Variants in ZNF778 observed in about 807,000 individuals in gnomAD.
ZNF778 encodes zinc finger protein 778.
In ZNF778, 37 loss-of-function variants were observed where a neutral mutation model predicts 23.9. The observed-to-expected ratio is 1.54, with a 90% CI of 1.19 to 2.03. The LOEUF (loss-of-function observed/expected upper bound fraction) is 2.03, where lower values mean the gene tolerates loss of function less well. Ranked by LOEUF, ZNF778 falls within the 30% of genes most tolerant of loss-of-function variation. The pLI, the probability that ZNF778 is intolerant of heterozygous loss-of-function variation, is 0.00. For missense variants in ZNF778, 1,297 were observed against 934.4 expected, an observed-to-expected ratio of 1.39 and a Z score of -5.06; for synonymous variants, 483 against 343.9, an observed-to-expected ratio of 1.40 and a Z score of -4.48.
In ZNF778 at chr16:89,228,797, G is replaced by A; in HGVS notation, c.*235G>A. The A allele has an allele frequency of 1.2e-5, 15 of 1,291,690 alleles. No homozygotes were observed. Among genetic ancestry groups the A allele is most frequent in the Non-Finnish European group, 1.5e-5 (15 of 1,020,594 alleles). 80.0% of individuals were successfully genotyped at this position (1,291,690 alleles called of 1,614,324 possible). ...GGTATCCAGTAGAGAGAACTCTATT[G>A]ATGTGTGATATGCAGCAGCATTGTT... On this transcript the variant is annotated 3_prime_UTR_variant, in exon 7 of 7. Coordinates refer to ENST00000433976, the MANE Select transcript of ZNF778 (RefSeq NM_001201407.2).
rs976345913 is a variant in ZNF778 at position 89,236,622 on chromosome 16, G to T, written c.*8060G>T. On this transcript the variant is annotated 3_prime_UTR_variant, in exon 7 of 7. Coordinates refer to ENST00000433976, the MANE Select transcript of ZNF778 (RefSeq NM_001201407.2). The stretch of plus-strand genomic sequence containing the variant: ...TGTCAAAAGCAAAAATTATCACATG[G>T]GGTTTCAACTGATGTATATTTAATA... 6.6e-6 allele frequency: 1 copy of T among 152,058 alleles called. No individual in the cohort carries two copies. Among genetic ancestry groups the T allele is most frequent in the Non-Finnish European group, 1.5e-5 (1 of 68,030 alleles). 9.4% of individuals were successfully genotyped at this position (152,058 alleles called of 1,614,324 possible).
At position 89,222,606 on chromosome 16, in the gene ZNF778, C is replaced by A. The variant is rs533114265; in HGVS notation, c.117+423C>A. Among the ~76,000 whole-genome samples the A allele has an allele frequency of 2.6e-5, 4 of 152,332 alleles. No homozygotes were observed. In the South Asian group the frequency reaches 8.3e-4, roughly 32 times the overall value. ...CTTGAACTGCTGATCTCAAGTGATCCACCCGCTTTGGCCTCCCAAAGGGCT... is the reference window on the plus strand; with the variant it reads ...CTTGAACTGCTGATCTCAAGTGATCAACCCGCTTTGGCCTCCCAAAGGGCT... On this transcript the variant is annotated intron_variant, in intron 3 of 6. Coordinates refer to ENST00000433976, the MANE Select transcript of ZNF778 (RefSeq NM_001201407.2).
rs1387034499 is a variant in ZNF778 at position 89,236,493 on chromosome 16, A to G, written c.*7931A>G. On this transcript the variant is annotated 3_prime_UTR_variant, in exon 7 of 7. Coordinates refer to ENST00000433976, the MANE Select transcript of ZNF778 (RefSeq NM_001201407.2). ...CTGGTTTAAATAAATGGTTACAGAA[A>G]ACTCTTAAGGAAACCTGGAACAAAG... is the stretch of plus-strand genomic sequence containing the variant. The G allele has an allele frequency of 1.3e-5, 2 of 152,242 alleles. No individual in the cohort carries two copies. The highest frequency in any genetic ancestry group is 6.5e-5 in the Admixed American group (1 of 15,280). 9.4% of individuals were successfully genotyped at this position (152,242 alleles called of 1,614,324 possible).
Position 89,223,160 on chromosome 16 carries a change from G to T in ZNF778, c.121G>T (p.Ala41Ser), listed in dbSNP as rs116317659. The T allele has an allele frequency of 1.9e-6, 3 of 1,612,972 alleles. No homozygotes were observed. The highest frequency in any genetic ancestry group is 2.2e-5 in the South Asian group (2 of 90,996). ...AGWLINCYQD[A>S]VTFDDVAVDF... Reference sequence around the variant, plus strand: ...ACCGTCATGTGTGATGATTTAGGACGCGGTGACCTTTGACGACGTGGCTGT... The same window carrying T: ...ACCGTCATGTGTGATGATTTAGGACTCGGTGACCTTTGACGACGTGGCTGT... The change falls in exon 4 of 7, where the codon GCG (alanine) becomes TCG (serine). Residue 41 changes from alanine (A) to serine (S), a missense_variant. Transcript: ENST00000433976.
At position 89,227,763 on chromosome 16, in the gene ZNF778, T is replaced by G; in HGVS notation, c.1475T>G (p.Leu492Arg). The G allele has an allele frequency of 6.2e-7, 1 of 1,613,146 alleles. No homozygotes were observed. The highest frequency in any genetic ancestry group is 8.5e-7 in the Non-Finnish European group (1 of 1,179,222). ...AAATCCTTCACTGTTTCTTCAAGCC[T>G]GACTGAGCACGCGAGAATCCATACC... ...CGKSFTVSSS[L>R]TEHARIHTGE... Residue 492 changes from leucine to arginine, a missense_variant, in exon 7 of 7, where the codon CTG (leucine) becomes CGG (arginine). By Grantham distance (102) the Leu-to-Arg change is moderately radical. Coordinates refer to ENST00000433976, the MANE Select transcript of ZNF778 (RefSeq NM_001201407.2).
intron 1 of ZNF778, among the ~76,000 whole-genome samples, chr16:89,220,377 G>A (rs2030805089): frequency 6.6e-6 from 1 of 152,208 alleles, no homozygotes; most frequent in South Asian, 2.1e-4. Flanking sequence ...CGAGACCGGG[G>A]CGGGGCACGG....
rs992248162 is a variant in ZNF778 at position 89,235,473 on chromosome 16, C to T, written c.*6911C>T. The T allele has an allele frequency of 3.9e-5, 6 of 152,208 alleles. No individual in the cohort carries two copies. Among genetic ancestry groups the T allele is most frequent in the East Asian group, 3.8e-4 (2 of 5,198 alleles). The allele number at this position is 152,208 out of a possible 1,614,324, so 9.4% of individuals were successfully genotyped here. A position where few individuals can be genotyped will look rare whatever the true frequency, so the allele number is the denominator to read the frequency against. On this transcript the variant is annotated 3_prime_UTR_variant, in exon 7 of 7. Coordinates refer to ENST00000433976, the MANE Select transcript of ZNF778 (RefSeq NM_001201407.2). The stretch of plus-strand genomic sequence containing the variant: ...CGCCCGAGAAGAGACATGAGCAGTT[C>T]TGCGTAGGCTTTAAGACAGAATCAA...
intron 6 of ZNF778, among the ~76,000 whole-genome samples, chr16:89,226,068 T>C (rs1210689037): frequency 6.6e-6 from 1 of 152,156 alleles, no homozygotes; most frequent in African/African-American, 2.4e-5. Context: ...TGTGCCACCA[T>C]GCCCAGCTAA....
chr16:89,228,032 A>G lies in ZNF778; in HGVS notation c.1744A>G (p.Ile582Val). Residue 582 changes from isoleucine (I) to valine (V), a missense_variant, in exon 7 of 7, where the codon ATT becomes GTT. Transcript: ENST00000433976. ...NSSCLNKHIQ[I>V]HTGIKPYECK... Reference sequence around the variant, plus strand: ...CTCGTGCCTGAATAAGCACATTCAGATTCACACTGGAATAAAACCTTATGA... The same window carrying G: ...CTCGTGCCTGAATAAGCACATTCAGGTTCACACTGGAATAAAACCTTATGA... 1 of 1,589,668 alleles carries G rather than the reference A, an allele frequency of 6.3e-7. No individual in the cohort carries two copies. Among genetic ancestry groups the G allele is most frequent in the Non-Finnish European group, 8.6e-7 (1 of 1,164,890 alleles).
Position 89,227,949 on chromosome 16 carries a change from C to G in ZNF778, c.1661C>G (p.Thr554Ser), listed in dbSNP as rs1225755954. 4 of 1,589,940 alleles carry G rather than the reference C, an allele frequency of 2.5e-6. No homozygotes were observed. In the African/African-American group the frequency reaches 4.0e-5, roughly 16 times the overall value. ...TATCTACTGAATGAGCATGTGAAAACTCACACAGAGGAGAAGCCCTTTATA... is the reference window on the plus strand; with the variant it reads ...TATCTACTGAATGAGCATGTGAAAAGTCACACAGAGGAGAAGCCCTTTATA... ...RVYLLNEHVK[T>S]HTEEKPFICT... is the part of the protein sequence containing the mutation. Residue 554 changes from threonine (T) to serine (S), a missense_variant, in exon 7 of 7, where the codon ACT becomes AGT. Thr to Ser is a moderately conservative substitution (Grantham distance 58). Coordinates refer to ENST00000433976, the MANE Select transcript of ZNF778 (RefSeq NM_001201407.2).
chr16:89,230,216 G>A lies in ZNF778; in HGVS notation c.*1654G>A. ...CAGATAAAACACCAGGGTGCAAGGA[G>A]GGGCAGAGTGGAGAGGGGCGAGGTC... On this transcript the variant is annotated 3_prime_UTR_variant, in exon 7 of 7. Coordinates refer to ENST00000433976, the MANE Select transcript of ZNF778 (RefSeq NM_001201407.2). The A allele has an allele frequency of 6.1e-6, 2 of 328,288 alleles. No homozygotes were observed. Among genetic ancestry groups the A allele is most frequent in the Non-Finnish European group, 8.7e-6 (2 of 229,452 alleles). The allele number at this position is 328,288 out of a possible 1,614,324, so 20.3% of individuals were successfully genotyped here.
Position 89,229,885 on chromosome 16 carries a change from C to A in ZNF778, c.*1323C>A. The A allele has an allele frequency of 3.1e-6, 3 of 980,468 alleles. No individual in the cohort carries two copies. The highest frequency in any genetic ancestry group is 3.6e-6 in the Non-Finnish European group (3 of 827,494). The allele number at this position is 980,468 out of a possible 1,614,324, so 60.7% of individuals were successfully genotyped here. Reference sequence around the variant, plus strand: ...TAGTCTTGAGGATCCAGATGTGATCCTGTGTGAGCAGCGTAGGCTCTGGTT... The same window carrying A: ...TAGTCTTGAGGATCCAGATGTGATCATGTGTGAGCAGCGTAGGCTCTGGTT... On this transcript the variant is annotated 3_prime_UTR_variant, in exon 7 of 7. Transcript: ENST00000433976.
At chr16:89,220,111 A>G (rs1222491250) in intron 1 of ZNF778, among the ~76,000 whole-genome samples, 1 of 152,226 alleles carries the variant, frequency 6.6e-6, no homozygotes, top group South Asian at 2.1e-4. Flanking sequence ...TGAATATTAC[A>G]TCCCTTTTTG....
In ZNF778 at chr16:89,228,418, C is replaced by T; in HGVS notation, c.2130C>T (p.Tyr710=). The change falls in exon 7 of 7, where the codon TAC becomes TAT. Residue 710 remains tyrosine (Y), a synonymous_variant. Transcript: ENST00000433976. ...AATGTAAGGAATGTGGGAAAGCATA[C>T]AATAGGTTTTATCTACTAAAAGAAC... ...PYKCKECGKA[Y]NRFYLLKEHL... is the part of the protein sequence containing the mutation. 2 of 1,613,966 alleles carry T rather than the reference C, an allele frequency of 1.2e-6. No individual in the cohort carries two copies. Among genetic ancestry groups the T allele is most frequent in the Non-Finnish European group, 1.7e-6 (2 of 1,179,890 alleles).
At chr16:89,224,675 C>T (rs1171270077) in intron 4 of ZNF778, 44 bp from the exon 5 acceptor site, 1 of 1,424,542 alleles carries the variant, frequency 7.0e-7, no homozygotes. Flanking sequence ...TTTGTCATCC[C>T]CTGCCTGAGC....
In ZNF778 at chr16:89,235,687, G is replaced by A. The variant is rs572163469; in HGVS notation, c.*7125G>A. 6.6e-6 allele frequency: 1 copy of A among 152,218 alleles called. No individual in the cohort carries two copies. Among genetic ancestry groups the A allele is most frequent in the African/African-American group, 2.4e-5 (1 of 41,444 alleles). 9.4% of individuals were successfully genotyped at this position (152,218 alleles called of 1,614,324 possible). On this transcript the variant is annotated 3_prime_UTR_variant, in exon 7 of 7. Coordinates refer to ENST00000433976, the MANE Select transcript of ZNF778 (RefSeq NM_001201407.2). ...ATATGTGCAACAGCCTTGGGGAGCA[G>A]TGTTATGATACCAAATGGCTAACAT...
chr16:89,225,645 G>C lies in ZNF778; in HGVS notation c.405+14G>C, dbSNP rs760292316. On this transcript the variant is annotated intron_variant, in intron 6 of 6. Coordinates refer to ENST00000433976, the MANE Select transcript of ZNF778 (RefSeq NM_001201407.2). ...GAGACACAGACGGTAAGATTAACAA[G>C]AGAGATTTTTTTATTTATCACACTC... The C allele has an allele frequency of 2.1e-4, 330 of 1,605,542 alleles. 2 individuals are homozygous for C. In the Admixed American group the frequency reaches 5.3e-3, roughly 26 times the overall value.
rs1254937598 is a variant in ZNF778, at chr16:89,234,414, C to G, written c.*5852C>G. On this transcript the variant is annotated 3_prime_UTR_variant, in exon 7 of 7. Coordinates refer to ENST00000433976, the MANE Select transcript of ZNF778 (RefSeq NM_001201407.2). ...CCTTGGGGTGTTGGTTTGCACTTCT[C>G]TTCATTACTGATAGTATGAACATGG... The G allele has an allele frequency of 5.0e-5, 12 of 238,892 alleles. No individual in the cohort carries two copies. The highest frequency in any genetic ancestry group is 4.3e-4 in the South Asian group (8 of 18,530). 14.8% of individuals were successfully genotyped at this position (238,892 alleles called of 1,614,324 possible). A position where few individuals can be genotyped will look rare whatever the true frequency, so the allele number is the denominator to read the frequency against.
chr16:89,229,140 TAC>T lies in ZNF778; in HGVS notation c.*580_*581del. On this transcript the variant is annotated 3_prime_UTR_variant, in exon 7 of 7. Coordinates refer to ENST00000433976, the MANE Select transcript of ZNF778 (RefSeq NM_001201407.2). The stretch of plus-strand genomic sequence containing the variant: ...TGTAGAAATCCTCCAGTCTGGTTGC[TAC>T]AGTGTCCACGTCGCAGCCTGGCTAA... The T allele has an allele frequency of 1.0e-6, 1 of 986,150 alleles. No individual in the cohort carries two copies. Among genetic ancestry groups the T allele is most frequent in the Non-Finnish European group, 1.2e-6 (1 of 830,510 alleles). 61.1% of individuals were successfully genotyped at this position (986,150 alleles called of 1,614,324 possible). A position where few individuals can be genotyped will look rare whatever the true frequency, so the allele number is the denominator to read the frequency against.
Sources: allele counts gnomAD v4.1 joint callset (sites outside exome capture counted in the v4.1 genomes callset), GRCh38; gene constraint gnomAD v4.1.1; transcripts MANE v1.5; gene names NCBI Gene and HGNC (gene_info 2026-07-23, HGNC 2026-07-21).